TMEM108: variants seen among roughly 807,000 people sequenced by gnomAD.
TMEM108 encodes transmembrane protein 108.
A neutral mutation model predicts 35.1 loss-of-function variants in TMEM108; 12 were observed. The observed-to-expected ratio is 0.34, with a 90% CI of 0.22 to 0.55. The LOEUF (loss-of-function observed/expected upper bound fraction) is 0.55. Ranked by LOEUF, TMEM108 falls within the 20% of genes least tolerant of loss-of-function variation. The pLI, the probability that TMEM108 is intolerant of heterozygous loss-of-function variation, is 0.89. For missense variants in TMEM108, 680 were observed against 753.3 expected, an observed-to-expected ratio of 0.90 and a Z score of 1.14; for synonymous variants, 287 against 308.6, an observed-to-expected ratio of 0.93 and a Z score of 0.73.
rs180916431 is a variant in TMEM108 at position 133,065,808 on chromosome 3, G to T, written c.-47+19788G>T. On this transcript the variant is annotated intron_variant, in intron 2 of 5. Transcript: ENST00000321871. ...TCTACATAGTTCAGCCATTTTCAAGGCTTAAAATGGGTGGGACCGCACATC... is the reference window on the plus strand; with the variant it reads ...TCTACATAGTTCAGCCATTTTCAAGTCTTAAAATGGGTGGGACCGCACATC... Among the ~76,000 whole-genome samples the T allele has an allele frequency of 1.6e-3, 247 of 152,230 alleles. 2 individuals are homozygous for T. Among genetic ancestry groups the T allele is most frequent in the African/African-American group, 5.9e-3 (243 of 41,532 alleles).
chr3:133,185,784 C>CTTTTCTTTAT (rs1441056931), intron 2 of TMEM108, among the ~76,000 whole-genome samples: 40 of 127,094 alleles, frequency 3.1e-4, no homozygotes, highest in Non-Finnish European at 9.8e-5. Context: ...CTTTTCTTTT[C>CTTTTCTTTAT]TTTTTTTTTT....
At chr3:133,307,884 C>T (rs1401045000) in intron 3 of TMEM108, among the ~76,000 whole-genome samples, 4 of 151,980 alleles carry the variant, frequency 2.6e-5, no homozygotes, top group Non-Finnish European at 5.9e-5. Context: ...TAGATTTTTC[C>T]AATTCTGTGA....
At chr3:133,295,437 C>G (rs1010420460) in intron 3 of TMEM108, among the ~76,000 whole-genome samples, 10 of 152,294 alleles carry the variant, frequency 6.6e-5, no homozygotes, top group Admixed American at 6.5e-4. Flanking sequence ...ATTGGAGAGG[C>G]TGATGACTCA....
intron 2 of TMEM108, among the ~76,000 whole-genome samples, chr3:133,161,002 AAT>A (rs1489047923): frequency 2.6e-5 from 4 of 152,160 alleles, no homozygotes; most frequent in African/African-American, 9.7e-5. Context: ...ACCTATTGCC[AAT>A]ATGATCTTTT....
intron 3 of TMEM108, among the ~76,000 whole-genome samples, chr3:133,364,886 CA>C (rs1442057066): frequency 2.0e-5 from 3 of 152,130 alleles, no homozygotes; most frequent in East Asian, 3.8e-4. Context: ...CCGGATCAGG[CA>C]GGGGGGGAAG....
intron 2 of TMEM108, among the ~76,000 whole-genome samples, chr3:133,216,752 G>A (rs1945915071): frequency 6.6e-6 from 1 of 152,046 alleles, no homozygotes; most frequent in African/African-American, 2.4e-5. Context: ...TGTTACAAAT[G>A]ACAGGAATTG....
intron 3 of TMEM108, among the ~76,000 whole-genome samples, chr3:133,277,548 C>A (rs1946855429): frequency 6.6e-6 from 1 of 152,202 alleles, no homozygotes; most frequent in Non-Finnish European, 1.5e-5. Flanking sequence ...AGGAGCTGCC[C>A]AAATTAGAAC....
intron 3 of TMEM108, 57 bp downstream of exon 3, chr3:133,229,408 G>A: frequency 1.3e-6 from 2 of 1,567,714 alleles, no homozygotes; most frequent in Non-Finnish European, 1.7e-6. Context: ...TTATTTGCTG[G>A]GTACCCACAA....
intron 2 of TMEM108, among the ~76,000 whole-genome samples, chr3:133,194,143 G>A (rs577567476): frequency 6.2e-4 from 95 of 152,054 alleles, no homozygotes; most frequent in Non-Finnish European, 1.2e-3. Context: ...CACCATATTG[G>A]TCAGGCTAGT....
intron 2 of TMEM108, among the ~76,000 whole-genome samples, chr3:133,122,478 CTT>C (rs1436746187): frequency 6.6e-6 from 1 of 152,086 alleles, no homozygotes; most frequent in Non-Finnish European, 1.5e-5. Flanking sequence ...AACCTGCTAT[CTT>C]TATATTTTTT....
chr3:133,351,451 G>T (rs187709403), intron 3 of TMEM108, among the ~76,000 whole-genome samples: 755 of 152,156 alleles, frequency 5.0e-3, no homozygotes, highest in Non-Finnish European at 8.7e-3. Context: ...TTAAAAAGTT[G>T]AGGCCATAGA....
At chr3:133,244,259 A>G (rs1475660967) in intron 3 of TMEM108, among the ~76,000 whole-genome samples, 1 of 152,244 alleles carries the variant, frequency 6.6e-6, no homozygotes, top group Non-Finnish European at 1.5e-5. Flanking sequence ...TCTTACCATC[A>G]TCATCATGTG....
intron 3 of TMEM108, among the ~76,000 whole-genome samples, chr3:133,329,661 T>A (rs114886360): frequency 0.01 from 1,531 of 152,292 alleles, 23 homozygotes; most frequent in African/African-American, 0.035. Flanking sequence ...TCCTTTTTTT[T>A]ATTTATTTTT....
At chr3:133,250,201 G>A (rs1946448207) in intron 3 of TMEM108, among the ~76,000 whole-genome samples, 1 of 152,074 alleles carries the variant, frequency 6.6e-6, no homozygotes, top group African/African-American at 2.4e-5. Context: ...TGAACAATGT[G>A]GGTCCACTTC....
intron 2 of TMEM108, among the ~76,000 whole-genome samples, chr3:133,180,817 A>T (rs140021457): frequency 6.6e-6 from 1 of 152,214 alleles, no homozygotes; most frequent in East Asian, 1.9e-4. Flanking sequence ...GACCATCATC[A>T]TACAACTTAC....
chr3:133,234,544 TCAA>T (rs1284951958), intron 3 of TMEM108, among the ~76,000 whole-genome samples: 2 of 152,166 alleles, frequency 1.3e-5, no homozygotes, highest in East Asian at 1.9e-4. Flanking sequence ...TTAACAAAAT[TCAA>T]CAACGCTTCA....
At chr3:133,358,716 A>T (rs188543939) in intron 3 of TMEM108, among the ~76,000 whole-genome samples, 1 of 152,078 alleles carries the variant, frequency 6.6e-6, no homozygotes, top group Admixed American at 6.6e-5. Flanking sequence ...CTGCTCCAGG[A>T]CACCTTCCCT....
At chr3:133,163,034 A>T (rs1173677625) in intron 2 of TMEM108, among the ~76,000 whole-genome samples, 4 of 152,154 alleles carry the variant, frequency 2.6e-5, no homozygotes, top group Non-Finnish European at 5.9e-5. Flanking sequence ...ATTTGAGTTT[A>T]ATGTCTGTTG....
At chr3:133,386,501 C>A in intron 4 of TMEM108, 1 of 1,535,670 alleles carries the variant, frequency 6.5e-7, no homozygotes, top group Non-Finnish European at 8.7e-7. Context: ...AATGGAGTGA[C>A]CCCTCTTCTT....
Sources: allele counts gnomAD v4.1 joint callset (sites outside exome capture counted in the v4.1 genomes callset), GRCh38; gene constraint gnomAD v4.1.1; transcripts MANE v1.5; gene names NCBI Gene and HGNC (gene_info 2026-07-23, HGNC 2026-07-21).